ETS1: variants seen among roughly 807,000 people sequenced by gnomAD.
The protein encoded by ETS1 is protein C-ets-1.
In ETS1, 15 loss-of-function variants were observed where a neutral mutation model predicts 58.6. The ratio of observed to expected loss-of-function variants is 0.26; its 90% CI spans 0.17 to 0.39. The LOEUF (loss-of-function observed/expected upper bound fraction) is 0.39, where lower values mean the gene tolerates loss of function less well. ETS1 is among the 10% of genes least tolerant of loss of function. ETS1 has a pLI of 1.00. For synonymous variants in ETS1, 214 were observed against 218.2 expected, an observed-to-expected ratio of 0.98 and a Z score of 0.17; for missense variants, 417 against 610.5, an observed-to-expected ratio of 0.68 and a Z score of 3.34.
intron 3 of ETS1, among the ~76,000 whole-genome samples, chr11:128,506,999 G>C (rs10790961): frequency 0.58 from 88,678 of 151,962 alleles, 27,558 homozygotes; most frequent in South Asian, 0.74. Context: ...GGGCTCTTTC[G>C]CCCTCCAGTC....
intron 3 of ETS1, among the ~76,000 whole-genome samples, chr11:128,528,139 T>C (rs562880563): frequency 2.6e-5 from 4 of 152,340 alleles, no homozygotes; most frequent in South Asian, 4.1e-4. Flanking sequence ...AGTGATTTTA[T>C]GTTCTTGTCG....
intron 1 of ETS1, among the ~76,000 whole-genome samples, chr11:128,585,315 A>AAG (rs767238887): frequency 1.5e-5 from 2 of 136,474 alleles, no homozygotes; most frequent in African/African-American, 2.8e-5. Context: ...AAGGGAGGGA[A>AAG]GAAGGAAGGA....
At chr11:128,524,645 A>C (rs995482056) in intron 3 of ETS1, among the ~76,000 whole-genome samples, 1 of 152,226 alleles carries the variant, frequency 6.6e-6, no homozygotes, top group Non-Finnish European at 1.5e-5. Context: ...AGATTTTTCT[A>C]AATGTTCATA....
chr11:128,500,146 C>T (rs370634986), intron 3 of ETS1, among the ~76,000 whole-genome samples: 4 of 151,912 alleles, frequency 2.6e-5, no homozygotes, highest in South Asian at 2.1e-4. Context: ...TGGGGGTAGC[C>T]GCCAAGGGAG....
At position 128,489,347 on chromosome 11, in the gene ETS1, G is replaced by A. The variant is rs371545080; in HGVS notation, c.478C>T (p.Leu160=). 3.7e-5 allele frequency: 59 copies of A among 1,614,074 alleles called. No homozygotes were observed. The African/African-American group carries it at 5.1e-4, about 14-fold the overall frequency. Residue 160 remains leucine, a synonymous_variant, in exon 5 of 10, where the codon CTG becomes TTG. Transcript: ENST00000392668. ...CALGKDCFLE[L]APDFVGDILW... is the part of the protein sequence containing the mutation. ...ATGTCCCCAACAAAGTCTGGGGCCA[G>A]CTCGAGAAAGCAGTCTTTACCCAGG...
chr11:128,560,480 G>A (rs538006073), intron 2 of ETS1, among the ~76,000 whole-genome samples: 1 of 152,186 alleles, frequency 6.6e-6, no homozygotes. Flanking sequence ...TTTTACAGAA[G>A]AGCAAACAGG....
intron 8 of ETS1, among the ~76,000 whole-genome samples, chr11:128,468,616 A>C (rs1013830889): frequency 3.3e-5 from 5 of 152,132 alleles, no homozygotes; most frequent in Non-Finnish European, 1.5e-5. Context: ...TGCTGAGAGG[A>C]GAACACAGGA....
intron 3 of ETS1, among the ~76,000 whole-genome samples, chr11:128,525,619 G>GAA (rs10554000): frequency 3.0e-4 from 23 of 75,796 alleles, no homozygotes; most frequent in East Asian, 4.0e-4. Flanking sequence ...GTAAGATTTA[G>GAA]AAAAAAAAAA....
chr11:128,474,661 G>A (rs1413279479), intron 8 of ETS1, among the ~76,000 whole-genome samples: 1 of 151,978 alleles, frequency 6.6e-6, no homozygotes, highest in Admixed American at 6.5e-5. Context: ...CCAGGTCCAC[G>A]CCAGGCACCC....
In ETS1 at chr11:128,506,745, C is replaced by T. The variant is rs572445782; in HGVS notation, c.215-16169G>A. Reference sequence around the variant, plus strand: ...CCGCGATGCTCACTGGGAGACCGACCGTGGGAGAGGCTGGGCACGGGCCAT... The same window carrying T: ...CCGCGATGCTCACTGGGAGACCGACTGTGGGAGAGGCTGGGCACGGGCCAT... On this transcript the variant is annotated intron_variant, in intron 3 of 9. Coordinates refer to ENST00000392668, the MANE Select transcript of ETS1 (RefSeq NM_001143820.2). Among the ~76,000 whole-genome samples the T allele has an allele frequency of 3.3e-5, 5 of 152,060 alleles. No individual in the cohort carries two copies. The South Asian group carries it at 6.2e-4, about 19-fold the overall frequency.
intron 1 of ETS1, among the ~76,000 whole-genome samples, chr11:128,575,244 ATAAC>A (rs1398121547): frequency 2.6e-5 from 4 of 152,384 alleles, no homozygotes; most frequent in East Asian, 1.9e-4. Context: ...ATTAACAACA[ATAAC>A]TAATACATGA....
intron 3 of ETS1, among the ~76,000 whole-genome samples, chr11:128,546,414 A>C (rs1291093125): frequency 6.6e-6 from 1 of 152,228 alleles, no homozygotes; most frequent in African/African-American, 2.4e-5. Context: ...GATTGGTTCC[A>C]GGAAAACCCC....
chr11:128,577,868 G>A (rs4937353), intron 1 of ETS1, among the ~76,000 whole-genome samples: 61,203 of 150,144 alleles, frequency 0.41, 12,783 homozygotes, highest in East Asian at 0.62. Context: ...TGCAGCTGAT[G>A]TTCAAGCAGT....
chr11:128,555,894 T>C (rs532652014), intron 3 of ETS1, among the ~76,000 whole-genome samples: 3 of 152,222 alleles, frequency 2.0e-5, no homozygotes, highest in Non-Finnish European at 4.4e-5. Flanking sequence ...CCAGGAACAA[T>C]GGAAACAGAT....
chr11:128,585,973 G>A (rs1865023526), intron 1 of ETS1, among the ~76,000 whole-genome samples: 1 of 152,144 alleles, frequency 6.6e-6, no homozygotes, highest in African/African-American at 2.4e-5. Context: ...AGATGCCAAA[G>A]GATCCCACCC....
intron 3 of ETS1, chr11:128,522,432 G>A (rs1029770131): frequency 5.6e-5 from 46 of 827,420 alleles, no homozygotes; most frequent in Non-Finnish European, 6.6e-5. Context: ...TCCGCTTGGG[G>A]GAGCGAGGGG....
At chr11:128,553,901 C>T (rs992514420) in intron 3 of ETS1, among the ~76,000 whole-genome samples, 4 of 151,792 alleles carry the variant, frequency 2.6e-5, no homozygotes, top group African/African-American at 9.7e-5. Context: ...AGACGGAGGA[C>T]GGGAAGGAAA....
At chr11:128,522,632 G>T (rs1273740344) in intron 3 of ETS1, among the ~76,000 whole-genome samples, 1 of 152,218 alleles carries the variant, frequency 6.6e-6, no homozygotes, top group Non-Finnish European at 1.5e-5. Flanking sequence ...GGGTGTGCAG[G>T]CTGGGTGCAC....
chr11:128,542,566 TA>T (rs35929205), intron 3 of ETS1, among the ~76,000 whole-genome samples: 75,259 of 150,410 alleles, frequency 0.5, 19,364 homozygotes, highest in East Asian at 0.71. Flanking sequence ...GTTAAGGTAT[TA>T]AAAAAAAAAC....
Sources: gnomAD v4.1 joint callset for allele counts (sites outside exome capture counted in the v4.1 genomes callset) on GRCh38, gnomAD v4.1.1 for gene constraint, MANE v1.5 for transcripts, NCBI Gene and HGNC (gene_info 2026-07-23, HGNC 2026-07-21) for gene names.